The following MBD2 variants were observed in gnomAD, a reference collection of about 807,000 sequenced individuals.
The protein encoded by MBD2 is methyl-CpG binding domain protein 2, also known as methyl-CpG-binding domain protein 2.
MBD2 carries 9 observed loss-of-function variants against 39.3 expected under a neutral mutation model. That is an observed-to-expected ratio of 0.23 (90% confidence interval 0.14 to 0.40). The LOEUF is 0.40. Among genes scored for constraint, MBD2 ranks in the 10% least tolerant of loss-of-function variants. The pLI is 1.00. For synonymous variants in MBD2, 233 were observed against 211.1 expected, an observed-to-expected ratio of 1.10 and a Z score of -0.90; for missense variants, 458 against 532.6, an observed-to-expected ratio of 0.86 and a Z score of 1.38.
chr18:54,199,931 T>C (rs1022846543), intron 2 of MBD2, among the ~76,000 whole-genome samples: 3 of 152,126 alleles, frequency 2.0e-5, no homozygotes, highest in African/African-American at 4.8e-5. Flanking sequence ...GCCACCAAGA[T>C]AGGTAAGCTC....
At chr18:54,186,511 C>T (rs555481831) in intron 3 of MBD2, among the ~76,000 whole-genome samples, 1 of 152,272 alleles carries the variant, frequency 6.6e-6, no homozygotes, top group Admixed American at 6.5e-5. Flanking sequence ...TACTAACAAA[C>T]TGAATCTAAA....
At chr18:54,220,775 ATAAG>A (rs1371131927) in intron 1 of MBD2, among the ~76,000 whole-genome samples, 1 of 152,250 alleles carries the variant, frequency 6.6e-6, no homozygotes, top group East Asian at 1.9e-4. Context: ...TTCCTTTACA[ATAAG>A]TGACTGCCAT....
chr18:54,159,430 T>C (rs1343928040), intron 6 of MBD2, among the ~76,000 whole-genome samples: 1 of 152,028 alleles, frequency 6.6e-6, no homozygotes, highest in Non-Finnish European at 1.5e-5. Context: ...CTTTTTTTTT[T>C]TTTCTGAGAT....
Position 54,159,948 on chromosome 18 carries a change from A to G in MBD2, c.1110-45T>C, listed in dbSNP as rs550503974. ...AAAGGCACTGAGAATTTGGCAAGTA[A>G]TGACAATATGAATCTGCTACAGAAG... On this transcript the variant is annotated intron_variant, in intron 5 of 6. Transcript: ENST00000256429. 1.9e-6 allele frequency: 3 copies of G among 1,595,020 alleles called. No individual in the cohort carries two copies. In the African/African-American group the frequency reaches 4.0e-5, roughly 21 times the overall value.
chr18:54,216,567 G>A (rs187750927), intron 1 of MBD2, among the ~76,000 whole-genome samples: 307 of 152,292 alleles, frequency 2.0e-3, no homozygotes, highest in African/African-American at 7.0e-3. Flanking sequence ...AAGCAAATGT[G>A]ATAAGAGTTA....
At chr18:54,168,630 T>C (rs1413123948) in intron 3 of MBD2, among the ~76,000 whole-genome samples, 2 of 127,970 alleles carry the variant, frequency 1.6e-5, no homozygotes, top group Non-Finnish European at 3.1e-5. Context: ...TGTGTGTGTG[T>C]GTGTGTGTGT....
At chr18:54,162,295 T>G (rs2086103363) in intron 5 of MBD2, among the ~76,000 whole-genome samples, 1 of 152,230 alleles carries the variant, frequency 6.6e-6, no homozygotes, top group Non-Finnish European at 1.5e-5. Context: ...AATGCAAACA[T>G]TATAAAATAC....
chr18:54,160,004 TAAG>T (rs2039776236), intron 5 of MBD2, 101 bp from the exon 6 acceptor site: 11 of 1,313,322 alleles, frequency 8.4e-6, no homozygotes, highest in Non-Finnish European at 1.0e-5. Flanking sequence ...ATTAAATTCC[TAAG>T]AAGAATAGAC....
At chr18:54,207,049 A>T (rs2086455974) in intron 1 of MBD2, among the ~76,000 whole-genome samples, 1 of 152,190 alleles carries the variant, frequency 6.6e-6, no homozygotes. Context: ...CCCATGTCTC[A>T]GCCACACATC....
At chr18:54,181,509 CTTTTT>C in intron 3 of MBD2, among the ~76,000 whole-genome samples, 1 of 151,806 alleles carries the variant, frequency 6.6e-6, no homozygotes, top group South Asian at 2.1e-4. Flanking sequence ...TTATTTTATT[CTTTTT>C]TTTAAGACGG....
chr18:54,202,909 G>T, intron 2 of MBD2: 2 of 1,107,418 alleles, frequency 1.8e-6, no homozygotes, highest in Non-Finnish European at 2.8e-6. Context: ...TGGAGGAAAG[G>T]ATTGGTTCTG....
At chr18:54,162,957 T>C (rs956398105) in intron 5 of MBD2, among the ~76,000 whole-genome samples, 3 of 152,148 alleles carry the variant, frequency 2.0e-5, no homozygotes, top group African/African-American at 7.2e-5. Flanking sequence ...CAACTTTGTA[T>C]GGATTTTTTT....
intron 1 of MBD2, among the ~76,000 whole-genome samples, chr18:54,207,077 T>TCCAGTACCAA (rs2086456120): frequency 6.6e-6 from 1 of 152,206 alleles, no homozygotes; most frequent in South Asian, 2.1e-4. Context: ...AAGTTCTAAA[T>TCCAGTACCAA]GTTCAAGCTC....
At chr18:54,167,405 TTTCTC>T (rs1354551639) in intron 3 of MBD2, among the ~76,000 whole-genome samples, 2 of 152,210 alleles carry the variant, frequency 1.3e-5, no homozygotes, top group African/African-American at 2.4e-5. Context: ...TTCAATTTAT[TTTCTC>T]TTCTATAAAT....
rs2086042475 is a variant in MBD2 at position 54,154,990 on chromosome 18, A to G, written c.*334T>C. 1 of 152,628 alleles carries G rather than the reference A, an allele frequency of 6.6e-6. No homozygotes were observed. 9.5% of individuals were successfully genotyped at this position (152,628 alleles called of 1,614,324 possible). On this transcript the variant is annotated 3_prime_UTR_variant, in exon 7 of 7. Transcript: ENST00000256429. ...TATTTAGAATTCCTGATCTGTTCTT[A>G]TTAAAACTGTGGGGGAAACAAATGT... is the stretch of plus-strand genomic sequence containing the variant.
chr18:54,219,793 A>G (rs2086594870), intron 1 of MBD2, among the ~76,000 whole-genome samples: 1 of 151,750 alleles, frequency 6.6e-6, no homozygotes, highest in East Asian at 1.9e-4. Flanking sequence ...AACAAATGGC[A>G]CACACACACA....
At chr18:54,174,791 C>T (rs1054629484) in intron 3 of MBD2, among the ~76,000 whole-genome samples, 2 of 152,172 alleles carry the variant, frequency 1.3e-5, no homozygotes, top group African/African-American at 4.8e-5. Context: ...AACCTATAAA[C>T]TAGAAAGTGT....
At chr18:54,161,925 A>G (rs2086101343) in intron 5 of MBD2, among the ~76,000 whole-genome samples, 2 of 152,180 alleles carry the variant, frequency 1.3e-5, no homozygotes, top group Non-Finnish European at 2.9e-5. Flanking sequence ...CCCTTAGTGG[A>G]GCTGGGATCT....
chr18:54,220,586 G>A (rs752590958), intron 1 of MBD2, among the ~76,000 whole-genome samples: 6 of 152,162 alleles, frequency 3.9e-5, no homozygotes, highest in Non-Finnish European at 8.8e-5. Context: ...TAATTCAAGG[G>A]TTAGTATTAT....
Sources: allele counts gnomAD v4.1 joint callset (sites outside exome capture counted in the v4.1 genomes callset), GRCh38; gene constraint gnomAD v4.1.1; transcripts MANE v1.5; gene names NCBI Gene and HGNC (gene_info 2026-07-23, HGNC 2026-07-21).